Variants in LNX1 observed in about 807,000 individuals in gnomAD.
LNX1 encodes E3 ubiquitin-protein ligase LNX.
Under a neutral mutation model 68.4 loss-of-function variants are expected in LNX1, and 54 were observed. That is an observed-to-expected ratio of 0.79 (90% CI 0.63 to 0.99). The LOEUF (loss-of-function observed/expected upper bound fraction) is 0.99. LNX1 is among the 50% of genes least tolerant of loss of function. The probability of loss-of-function intolerance (pLI) is 0.00; values close to 1 mark genes in which losing one functional copy is unlikely to be tolerated. For synonymous variants in LNX1, 336 were observed against 350.0 expected (o/e 0.96, Z 0.45); for missense variants, 906 against 926.4 (o/e 0.98, Z 0.29).
At chr4:53,520,326 C>G (rs1727120607) in intron 2 of LNX1, among the ~76,000 whole-genome samples, 1 of 152,206 alleles carries the variant, frequency 6.6e-6, no homozygotes, top group South Asian at 2.1e-4. Context: ...CAGTGCTGCT[C>G]CCTGGAGTGA....
chr4:53,613,478 A>G lies in LNX1; in HGVS notation c.-215+3039T>C, dbSNP rs115228983. On this transcript the variant is annotated intron_variant, in intron 2 of 3. Coordinates refer to the LNX1 transcript ENST00000504299. ...CCCAGGTATTAAGCCTAGTATCCAT[A>G]TTTGTTATTTTTCCTGATCCTCTCC... is the stretch of plus-strand genomic sequence containing the variant. 8.7e-3 allele frequency among the ~76,000 whole-genome samples: 1,327 copies of G among 151,980 alleles called. 17 individuals are homozygous for G. The highest frequency in any genetic ancestry group is 0.03 in the African/African-American group (1,255 of 41,450).
intron 6 of LNX1, among the ~76,000 whole-genome samples, chr4:53,489,461 T>A (rs1724539511): frequency 6.6e-6 from 1 of 152,216 alleles, no homozygotes; most frequent in African/African-American, 2.4e-5. Flanking sequence ...CTTGAGTCCC[T>A]GAATCTGCTG....
chr4:53,595,790 G>A (rs1157872088), upstream of LNX1, among the ~76,000 whole-genome samples: 1 of 152,154 alleles, frequency 6.6e-6, no homozygotes, highest in Non-Finnish European at 1.5e-5. Flanking sequence ...GCGTTCTCAA[G>A]GACTCCTCCT....
At position 53,644,766 on chromosome 4, in the gene LNX1, G is replaced by A. The variant is rs116218900; in HGVS notation, c.-215+7402C>T. ...CAGAGACTGGGAGGTTCCTGCTGGA[G>A]GGAGCTCAGAGTATATCTGGAAGGT... On this transcript the variant is annotated intron_variant, in intron 1 of 2. Transcript: ENST00000507168. Among the ~76,000 whole-genome samples the A allele has an allele frequency of 3.4e-3, 513 of 152,308 alleles. 7 individuals are homozygous for A. Among genetic ancestry groups the A allele is most frequent in the African/African-American group, 0.012 (485 of 41,554 alleles).
Position 53,459,368 on chromosome 4 carries a change from T to C in LNX1, c.*1539A>G. On this transcript the variant is annotated 3_prime_UTR_variant, in exon 11 of 11. Transcript: ENST00000263925. ...ACAGGAGACACAAACACAAAAAATC[T>C]AAAAGAAGCAAAGAAGGAAAAGAAG... 1 of 1,601,102 alleles carries C rather than the reference T, an allele frequency of 6.2e-7. No individual in the cohort carries two copies. Among genetic ancestry groups the C allele is most frequent in the Non-Finnish European group, 8.5e-7 (1 of 1,176,208 alleles).
In LNX1 at chr4:53,467,257, C is replaced by A. The variant is rs1362372852; in HGVS notation, c.1893-5664G>T. 5.3e-5 allele frequency among the ~76,000 whole-genome samples: 8 copies of A among 152,246 alleles called. No homozygotes were observed. In the South Asian group the frequency reaches 1.5e-3, roughly 28 times the overall value. ...GTCTGGAGTGGACCTACAGCCAACTCCAACAGACCTGCAGCTGAGGGTCCT... is the reference window on the plus strand; with the variant it reads ...GTCTGGAGTGGACCTACAGCCAACTACAACAGACCTGCAGCTGAGGGTCCT... On this transcript the variant is annotated intron_variant, in intron 9 of 10. Coordinates refer to ENST00000263925, the MANE Select transcript of LNX1 (RefSeq NM_001126328.3).
At chr4:53,619,262 T>G (rs1733783526), upstream of LNX1, among the ~76,000 whole-genome samples, 3 of 152,222 alleles carry the variant, frequency 2.0e-5, no homozygotes, top group South Asian at 6.2e-4. Context: ...AAGACTATAC[T>G]AAAATATATA....
At chr4:53,574,181 G>A (rs1731346218) in intron 1 of LNX1, 93 bp from the exon 2 acceptor site, 1 of 970,068 alleles carries the variant, frequency 1.0e-6, no homozygotes, top group Non-Finnish European at 1.5e-6. Flanking sequence ...AATGCATGGG[G>A]AATTGAGCTA....
chr4:53,479,437 C>T (rs1723777762), intron 7 of LNX1, among the ~76,000 whole-genome samples: 1 of 152,228 alleles, frequency 6.6e-6, no homozygotes, highest in Admixed American at 6.5e-5. Flanking sequence ...GGGCTGGATG[C>T]AATGGCTGAA....
chr4:53,552,635 C>A (rs778981190), intron 2 of LNX1, among the ~76,000 whole-genome samples: 8 of 151,998 alleles, frequency 5.3e-5, no homozygotes, highest in Admixed American at 1.3e-4. Flanking sequence ...TCGAGACCAG[C>A]CTGACCAATA....
chr4:53,484,880 C>T (rs1040396415), intron 6 of LNX1, among the ~76,000 whole-genome samples: 2 of 152,152 alleles, frequency 1.3e-5, no homozygotes, highest in African/African-American at 4.8e-5. Flanking sequence ...AGTCCTCTGC[C>T]CATGTCCTTC....
At chr4:53,592,478 A>G (rs1732553502), upstream of LNX1, among the ~76,000 whole-genome samples, 3 of 152,204 alleles carry the variant, frequency 2.0e-5, no homozygotes, top group South Asian at 2.1e-4. Flanking sequence ...CCATCATCCC[A>G]TTGAAACGCT....
At chr4:53,576,322 G>A (rs1476802409) in intron 1 of LNX1, 37 of 1,612,136 alleles carry the variant, frequency 2.3e-5, no homozygotes, top group African/African-American at 4.0e-5. Context: ...GCGGTACAGC[G>A]TGGCCCTGGT....
In LNX1 at chr4:53,481,721, T is replaced by C; in HGVS notation, c.1484A>G (p.Lys495Arg). 1 of 1,613,554 alleles carries C rather than the reference T, an allele frequency of 6.2e-7. No individual in the cohort carries two copies. The change falls in exon 7 of 11, where the codon AAG becomes AGG. Residue 495 changes from lysine (K) to arginine (R), a missense_variant and splice_region_variant. Coordinates refer to ENST00000263925, the MANE Select transcript of LNX1 (RefSeq NM_001126328.3). ...GGCGACCTGCCCTAGAGGCCTCACC[T>C]TGGGAGTGTTGCTCCTCTCCCCTGG... ...PGPGERSNTP[K>R]PLHPTITCHE...
chr4:53,644,632 C>A (rs1469859689), intron 1 of LNX1, among the ~76,000 whole-genome samples: 2 of 152,164 alleles, frequency 1.3e-5, no homozygotes, highest in Non-Finnish European at 2.9e-5. Context: ...AACTCATAGG[C>A]TGTCCTATTC....
chr4:53,584,642 T>C (rs1301411841), intron 1 of LNX1, among the ~76,000 whole-genome samples: 1 of 152,186 alleles, frequency 6.6e-6, no homozygotes, highest in Non-Finnish European at 1.5e-5. Context: ...AGAGTAGTGA[T>C]CTCTTGATGT....
At chr4:53,536,242 T>G (rs1185252172) in intron 2 of LNX1, among the ~76,000 whole-genome samples, 2 of 152,200 alleles carry the variant, frequency 1.3e-5, no homozygotes, top group Non-Finnish European at 1.5e-5. Context: ...AGTCTCTTAG[T>G]GGAAATCCCA....
At chr4:53,613,517 C>G (rs937663694) in intron 2 of LNX1, among the ~76,000 whole-genome samples, 5 of 152,122 alleles carry the variant, frequency 3.3e-5, no homozygotes, top group African/African-American at 4.8e-5. Context: ...CTCCACCCCC[C>G]ACCGTCCAGT....
intron 2 of LNX1, among the ~76,000 whole-genome samples, chr4:53,561,627 C>A (rs753986790): frequency 6.6e-6 from 1 of 152,240 alleles, no homozygotes; most frequent in African/African-American, 2.4e-5. Context: ...GGTCAACAGA[C>A]GATCCAGGTT....
Sources: allele counts gnomAD v4.1 joint callset (sites outside exome capture counted in the v4.1 genomes callset), GRCh38; gene constraint gnomAD v4.1.1; transcripts MANE v1.5; gene names NCBI Gene and HGNC (gene_info 2026-07-23, HGNC 2026-07-21).